CNTNAP2: variants seen among roughly 807,000 people sequenced by gnomAD.
The protein encoded by CNTNAP2 is contactin-associated protein-like 2.
CNTNAP2 carries 98 observed loss-of-function variants against 155.2 expected under a neutral mutation model. The ratio of observed to expected loss-of-function variants is 0.63; its 90% CI spans 0.54 to 0.75. CNTNAP2 has a LOEUF of 0.75. Ranked by LOEUF, CNTNAP2 falls within the 30% of genes least tolerant of loss-of-function variation. The pLI, the probability that CNTNAP2 is intolerant of heterozygous loss-of-function variation, is 0.00. For missense variants in CNTNAP2, 1,727 were observed against 1,688.1 expected (o/e 1.02, Z -0.40); for synonymous variants, 651 against 631.2 (o/e 1.03, Z -0.47).
chr7:148,051,351 G>T (rs986466290), intron 15 of CNTNAP2, among the ~76,000 whole-genome samples: 1 of 151,828 alleles, frequency 6.6e-6, no homozygotes, highest in Non-Finnish European at 1.5e-5. Context: ...ATGTCCTGGC[G>T]GGAGTTGGTT....
At chr7:146,536,976 T>A (rs1317051336) in intron 1 of CNTNAP2, among the ~76,000 whole-genome samples, 1 of 152,164 alleles carries the variant, frequency 6.6e-6, no homozygotes, top group Non-Finnish European at 1.5e-5. Flanking sequence ...TGTTTTTCAA[T>A]AGTGAATCTT....
chr7:147,502,758 TAA>T (rs1562969507), intron 11 of CNTNAP2, among the ~76,000 whole-genome samples: 33 of 151,146 alleles, frequency 2.2e-4, no homozygotes, highest in Admixed American at 1.7e-3. Context: ...TATATATATA[TAA>T]AACAAATCAT....
intron 15 of CNTNAP2, among the ~76,000 whole-genome samples, chr7:148,022,115 C>G (rs1396453216): frequency 6.6e-6 from 1 of 151,990 alleles, no homozygotes; most frequent in African/African-American, 2.4e-5. Context: ...CCAACCTGAT[C>G]CAAGTATTAT....
intron 13 of CNTNAP2, among the ~76,000 whole-genome samples, chr7:147,867,372 C>T (rs1799249835): frequency 6.6e-6 from 1 of 152,146 alleles, no homozygotes; most frequent in East Asian, 1.9e-4. Flanking sequence ...TTTCTGGCTG[C>T]CCTTAATATT....
At chr7:146,598,336 G>A (rs1480523036) in intron 1 of CNTNAP2, among the ~76,000 whole-genome samples, 2 of 151,918 alleles carry the variant, frequency 1.3e-5, no homozygotes, top group Non-Finnish European at 2.9e-5. Context: ...TAAAAAAAAG[G>A]AATCTCGATC....
In CNTNAP2 at chr7:147,615,277, C is replaced by CAAAAAAA. The variant is rs58247626; in HGVS notation, c.1898-23802_1898-23796dup. ...GACGGAGAGGAGCGAGACCCTGTCT[C>CAAAAAAA]AAAAAAAAAAAAAAAAAAAAAAAAA... On this transcript the variant is annotated intron_variant, in intron 12 of 23. Transcript: ENST00000361727. Among the ~76,000 whole-genome samples the CAAAAAAA allele has an allele frequency of 2.9e-4, 8 of 28,048 alleles. 1 individual carries two copies. The highest frequency in any genetic ancestry group is 2.9e-4 in the Non-Finnish European group (5 of 17,004). 18.4% of individuals were successfully genotyped at this position (28,048 alleles called of 152,430 possible).
intron 14 of CNTNAP2, among the ~76,000 whole-genome samples, chr7:147,910,257 A>G (rs2116762617): frequency 6.6e-6 from 1 of 152,290 alleles, no homozygotes. Flanking sequence ...TGAAATATTT[A>G]TATATGCATT....
chr7:148,153,047 A>AT (rs869270617), intron 17 of CNTNAP2, among the ~76,000 whole-genome samples: 13 of 148,124 alleles, frequency 8.8e-5, no homozygotes, highest in African/African-American at 3.3e-4. Context: ...AAAAAAAAAA[A>AT]GCTAAACTCT....
chr7:146,653,207 T>C (rs981935613), intron 1 of CNTNAP2, among the ~76,000 whole-genome samples: 2 of 152,140 alleles, frequency 1.3e-5, no homozygotes, highest in Non-Finnish European at 2.9e-5. Flanking sequence ...ACAGAGAAAG[T>C]AGTCATTCTT....
intron 14 of CNTNAP2, among the ~76,000 whole-genome samples, chr7:147,964,287 G>A (rs1012142075): frequency 2.6e-5 from 4 of 152,116 alleles, no homozygotes; most frequent in Admixed American, 6.6e-5. Context: ...TATAAATGTC[G>A]TCTAAGCCAC....
intron 1 of CNTNAP2, among the ~76,000 whole-genome samples, chr7:146,360,462 A>C (rs2129100705): frequency 6.6e-6 from 1 of 152,362 alleles, no homozygotes; most frequent in Non-Finnish European, 1.5e-5. Flanking sequence ...TGGAAAACAC[A>C]GACTTATTAA....
intron 1 of CNTNAP2, among the ~76,000 whole-genome samples, chr7:146,151,691 T>TATAC (rs1798052472): frequency 7.6e-5 from 3 of 39,284 alleles, no homozygotes; most frequent in African/African-American, 3.7e-4. Context: ...TGTATATATA[T>TATAC]ATATATGTAT....
In CNTNAP2 at chr7:146,713,096, G is replaced by T. The variant is rs141211462; in HGVS notation, c.98-61175G>T. On this transcript the variant is annotated intron_variant, in intron 1 of 23. Transcript: ENST00000361727. ...AAAACTTATAAGAAATCTCAGACTC[G>T]CAGGACCCTAAATATAACATTAGTA... Among the ~76,000 whole-genome samples the T allele has an allele frequency of 2.1e-3, 325 of 151,848 alleles. 1 individual carries two copies. The highest frequency in any genetic ancestry group is 7.5e-3 in the African/African-American group (312 of 41,412).
At chr7:148,126,070 A>G (rs1238084507) in intron 16 of CNTNAP2, among the ~76,000 whole-genome samples, 1 of 152,184 alleles carries the variant, frequency 6.6e-6, no homozygotes. Flanking sequence ...GGTTACTTAG[A>G]TGAGGCAATA....
At chr7:146,783,577 G>C (rs1447159599) in intron 2 of CNTNAP2, among the ~76,000 whole-genome samples, 1 of 152,144 alleles carries the variant, frequency 6.6e-6, no homozygotes, top group Non-Finnish European at 1.5e-5. Context: ...CATACATTTT[G>C]TTTGGGCATA....
chr7:146,732,946 G>T (rs1008522629), intron 1 of CNTNAP2, among the ~76,000 whole-genome samples: 1 of 151,998 alleles, frequency 6.6e-6, no homozygotes, highest in Non-Finnish European at 1.5e-5. Flanking sequence ...ATCTGCAGTT[G>T]GTTGAATTCC....
chr7:146,475,904 T>C (rs1243756429), intron 1 of CNTNAP2, among the ~76,000 whole-genome samples: 1 of 152,128 alleles, frequency 6.6e-6, no homozygotes, highest in Non-Finnish European at 1.5e-5. Flanking sequence ...AGCTGAAGAA[T>C]TTAGTTTTCA....
At chr7:146,965,811 G>A (rs1797646586) in intron 3 of CNTNAP2, among the ~76,000 whole-genome samples, 1 of 152,206 alleles carries the variant, frequency 6.6e-6, no homozygotes, top group Admixed American at 6.5e-5. Flanking sequence ...ACAGGTATGT[G>A]AGGGGTCGCA....
At chr7:147,731,134 G>T (rs181332410) in intron 13 of CNTNAP2, among the ~76,000 whole-genome samples, 1 of 152,100 alleles carries the variant, frequency 6.6e-6, no homozygotes, top group Non-Finnish European at 1.5e-5. Flanking sequence ...TGTAGAAGCT[G>T]CAACAAGTTA....
Sources: allele counts gnomAD v4.1 joint callset (sites outside exome capture counted in the v4.1 genomes callset), GRCh38; gene constraint gnomAD v4.1.1; transcripts MANE v1.5; gene names NCBI Gene and HGNC (gene_info 2026-07-23, HGNC 2026-07-21).